TK1: variants seen among roughly 807,000 people sequenced by gnomAD.
TK1 encodes the protein thymidine kinase 1.
In TK1, 13 loss-of-function variants were observed where a neutral mutation model predicts 22.4. The ratio of observed to expected loss-of-function variants is 0.58; its 90% CI spans 0.38 to 0.92. The LOEUF (loss-of-function observed/expected upper bound fraction) is 0.92, where lower values mean the gene tolerates loss of function less well. TK1 is among the 40% of genes least tolerant of loss of function. TK1 has a pLI of 0.00. For synonymous variants in TK1, 134 were observed against 125.4 expected (o/e 1.07, Z -0.46); for missense variants, 251 against 315.7 (o/e 0.80, Z 1.55).
rs1019620399 is a variant in TK1, at chr17:78,179,380, C to T, written c.303+3209G>A. ...CGGGGCAGCAACAACGACGTCTCCA[C>T]GTACGCAGAGGCATGGGGGTGCTCA... On this transcript the variant is annotated intron_variant, in intron 4 of 6. Transcript: ENST00000301634. 5.5e-5 allele frequency: 54 copies of T among 985,304 alleles called. No individual in the cohort carries two copies. In the Admixed American group the frequency reaches 8.0e-4, roughly 15 times the overall value. 61.0% of individuals were successfully genotyped at this position (985,304 alleles called of 1,614,324 possible).
intron 4 of TK1, among the ~76,000 whole-genome samples, chr17:78,177,193 C>G (rs571584778): frequency 6.6e-6 from 1 of 152,158 alleles, no homozygotes; most frequent in Non-Finnish European, 1.5e-5. Flanking sequence ...GTGCCAGACC[C>G]TAACTTTTCC....
chr17:78,185,250 T>C (rs1185487000), intron 2 of TK1, 85 bp from the exon 3 acceptor site: 2 of 1,012,342 alleles, frequency 2.0e-6, no homozygotes, highest in Non-Finnish European at 3.1e-6. Context: ...TGGCTCCTCA[T>C]TGTCCCTAGT....
chr17:78,178,257 G>A (rs1164933499), intron 4 of TK1, among the ~76,000 whole-genome samples: 1 of 152,216 alleles, frequency 6.6e-6, no homozygotes, highest in Non-Finnish European at 1.5e-5. Flanking sequence ...AGCTGTTGAT[G>A]CAAGGGTGCC....
At chr17:78,182,371 CAAA>C (rs560357822) in intron 4 of TK1, among the ~76,000 whole-genome samples, 3 of 82,222 alleles carry the variant, frequency 3.6e-5, no homozygotes, top group Non-Finnish European at 4.7e-5. Context: ...AACTCCGTCT[CAAA>C]AAAAAAAAAA....
intron 2 of TK1, among the ~76,000 whole-genome samples, chr17:78,185,996 A>C (rs2075786303): frequency 6.6e-6 from 1 of 152,160 alleles, no homozygotes; most frequent in African/African-American, 2.4e-5. Flanking sequence ...CATGGTGGCT[A>C]ACATCTGTAA....
At position 78,175,250 on chromosome 17, in the gene TK1, A is replaced by T. The variant is rs148889228; in HGVS notation, c.394-81T>A. On this transcript the variant is annotated intron_variant, in intron 5 of 6. Transcript: ENST00000301634. ...CTTTTAAACCCTCTGATTCACAAGCACTGAAGCCAGGAGAGTTTGCTCTGA... is the reference window on the plus strand; with the variant it reads ...CTTTTAAACCCTCTGATTCACAAGCTCTGAAGCCAGGAGAGTTTGCTCTGA... 2.1e-4 allele frequency: 302 copies of T among 1,415,014 alleles called. 15 individuals carry two copies. In the African/African-American group the frequency reaches 4.9e-3, roughly 23 times the overall value. 87.7% of individuals were successfully genotyped at this position (1,415,014 alleles called of 1,614,324 possible).
chr17:78,179,189 A>G (rs1184973271), intron 4 of TK1: 3 of 985,318 alleles, frequency 3.0e-6, no homozygotes, highest in Non-Finnish European at 3.6e-6. Flanking sequence ...TGAAGGAGGG[A>G]GAGCCTTGCC....
chr17:78,179,122 CA>C lies in TK1; in HGVS notation c.303+3466del, dbSNP rs969644781. The stretch of plus-strand genomic sequence containing the variant: ...GGGGGTCTGGGTCAGCCTCTGTCAA[CA>C]AGGTTTACGCAGAGCCAGGAGAACA... On this transcript the variant is annotated intron_variant, in intron 4 of 6. Transcript: ENST00000301634. The C allele has an allele frequency of 4.6e-5, 45 of 981,128 alleles. No individual in the cohort carries two copies. In the African/African-American group the frequency reaches 7.3e-4, roughly 16 times the overall value. 60.8% of individuals were successfully genotyped at this position (981,128 alleles called of 1,614,324 possible).
Position 78,174,739 on chromosome 17 carries a change from G to A in TK1, c.*20C>T, listed in dbSNP as rs767123124. The A allele has an allele frequency of 6.4e-6, 10 of 1,564,680 alleles. No homozygotes were observed. Among genetic ancestry groups the A allele is most frequent in the East Asian group, 4.7e-5 (2 of 42,578 alleles). ...TAGGCGGCAGTGGCAGGAAGGGAGC[G>A]GGCGGCCCTCGCAGGTCCCTCAGTT... On this transcript the variant is annotated 3_prime_UTR_variant, in exon 7 of 7. Coordinates refer to ENST00000301634, the MANE Select transcript of TK1 (RefSeq NM_003258.5).
At chr17:78,176,530 C>T (rs1200554358) in intron 4 of TK1, among the ~76,000 whole-genome samples, 1 of 152,110 alleles carries the variant, frequency 6.6e-6, no homozygotes, top group African/African-American at 2.4e-5. Context: ...CCAAGCAAAG[C>T]CCAACGTGAC....
intron 4 of TK1, chr17:78,179,186 G>A (rs2075721773): frequency 1.0e-6 from 1 of 985,418 alleles, no homozygotes; most frequent in Non-Finnish European, 1.2e-6. Flanking sequence ...GTCTGAAGGA[G>A]GGAGAGCCTT....
rs1292769207 is a variant in TK1, at chr17:78,185,125, G to C, written c.139C>G (p.Gln47Glu). 1.2e-6 allele frequency: 2 copies of C among 1,611,880 alleles called. No individual in the cohort carries two copies. Among genetic ancestry groups the C allele is most frequent in the East Asian group, 4.5e-5 (2 of 44,868 alleles). The change falls in exon 3 of 7, where the codon CAG becomes GAG. Residue 47 changes from glutamine to glutamate, a missense_variant. Physicochemically the swap from Gln to Glu is conservative, Grantham distance 29. Coordinates refer to ENST00000301634, the MANE Select transcript of TK1 (RefSeq NM_003258.5). ...MRRVRRFQIA[Q>E]YKCLVIKYAK... ...TACTTGATCACCAGGCACTTGTACTGAGCAATCTGGAAGCGACGGACGCGT... is the reference window on the plus strand; with the variant it reads ...TACTTGATCACCAGGCACTTGTACTCAGCAATCTGGAAGCGACGGACGCGT...
At position 78,182,601 on chromosome 17, in the gene TK1, GTCGATGCCTAT is replaced by G. The variant is rs752845784; in HGVS notation, c.280_290del (p.Ile94ArgfsTer7). 1 of 1,586,788 alleles carries G rather than the reference GTCGATGCCTAT, an allele frequency of 6.3e-7. No homozygotes were observed. The highest frequency in any genetic ancestry group is 8.6e-7 in the Non-Finnish European group (1 of 1,166,684). ...CAAGCCAACTTACAAACTGCCCCTC[GTCGATGCCTAT>G]GACAGCCACGCCCAGGGCCTCCTGG... On this transcript the variant is annotated frameshift_variant, in exon 4 of 7. Coordinates refer to ENST00000301634, the MANE Select transcript of TK1 (RefSeq NM_003258.5). LOFTEE classifies it high-confidence loss of function.
At chr17:78,178,892 A>G (rs2145824518) in intron 4 of TK1, among the ~76,000 whole-genome samples, 1 of 152,302 alleles carries the variant, frequency 6.6e-6, no homozygotes, top group Admixed American at 6.5e-5. Flanking sequence ...GAACAAGGGC[A>G]CACAGAGGCC....
At chr17:78,186,682 GGGA>G (rs2075800060) in intron 2 of TK1, 102 bp downstream of exon 2, 11 of 1,024,428 alleles carry the variant, frequency 1.1e-5, no homozygotes, top group Admixed American at 6.8e-5. Context: ...GGGGAGGGAA[GGGA>G]AGGGGAGGGG....
rs2075694293 is a variant in TK1 at position 78,175,717 on chromosome 17, C to T, written c.304-99G>A. On this transcript the variant is annotated intron_variant, in intron 4 of 6. Transcript: ENST00000301634. ...CGCTGCCAGATCTGACAACTCCGGC[C>T]ATTTGGCCCGGAGTAACTCTTAATT... The T allele has an allele frequency of 9.2e-6, 10 of 1,090,324 alleles. No homozygotes were observed. The South Asian group carries it at 1.4e-4, about 16-fold the overall frequency. 67.5% of individuals were successfully genotyped at this position (1,090,324 alleles called of 1,614,324 possible).
At chr17:78,175,692 C>T (rs1027375580) in intron 4 of TK1, 74 bp from the exon 5 acceptor site, 33 of 1,370,474 alleles carry the variant, frequency 2.4e-5, no homozygotes, top group African/African-American at 1.9e-4. Context: ...CCAGCGAAGA[C>T]GCTGCCAGAT....
rs2075804786 is a variant in TK1, at chr17:78,186,733, A to T, written c.98+54T>A. ...GGAAGGGGAGGGGAGGGACGGGACA[A>T]GGGGTCCCCGGAGAAGAGGAAGGAG... On this transcript the variant is annotated intron_variant, in intron 2 of 6. Transcript: ENST00000301634. 4 of 1,503,486 alleles carry T rather than the reference A, an allele frequency of 2.7e-6. No homozygotes were observed. The East Asian group carries it at 8.3e-5, about 31-fold the overall frequency. The allele number at this position is 1,503,486 out of a possible 1,614,324, so 93.1% of individuals were successfully genotyped here.
chr17:78,180,600 G>A (rs1227824377), intron 4 of TK1, among the ~76,000 whole-genome samples: 1 of 152,152 alleles, frequency 6.6e-6, no homozygotes, highest in African/African-American at 2.4e-5. Context: ...ATAATGGAAG[G>A]AACAGCATAA....
Sources: allele counts gnomAD v4.1 joint callset (sites outside exome capture counted in the v4.1 genomes callset), GRCh38; gene constraint gnomAD v4.1.1; transcripts MANE v1.5; gene names NCBI Gene and HGNC (gene_info 2026-07-23, HGNC 2026-07-21).